Variants in IKZF3 observed in about 807,000 individuals in gnomAD.
IKZF3 encodes IKAROS family zinc finger 3.
In IKZF3, 10 loss-of-function variants were observed where a neutral mutation model predicts 49.0. The observed-to-expected ratio is 0.20, with a 90% CI of 0.13 to 0.35. The LOEUF (loss-of-function observed/expected upper bound fraction) is 0.35. Among genes scored for constraint, IKZF3 ranks in the 10% least tolerant of loss-of-function variants. IKZF3 has a pLI of 1.00. For missense variants in IKZF3, 498 were observed against 664.8 expected (o/e 0.75, Z 2.76); for synonymous variants, 209 against 228.2 (o/e 0.92, Z 0.76).
In IKZF3 at chr17:39,824,276, C is replaced by G. The variant is rs189436815; in HGVS notation, c.163+5111G>C. ...AGTCCCTTTGTTTTGGCCAATATCT[C>G]CCATTTGGAATGGGTATATTTACCC... On this transcript the variant is annotated intron_variant, in intron 3 of 7. Coordinates refer to ENST00000346872, the MANE Select transcript of IKZF3 (RefSeq NM_012481.5). Among the ~76,000 whole-genome samples the G allele has an allele frequency of 1.8e-3, 275 of 152,270 alleles. 1 individual carries two copies. The highest frequency in any genetic ancestry group is 6.2e-3 in the African/African-American group (256 of 41,556).
chr17:39,788,747 T>G (rs1280256979), intron 5 of IKZF3, among the ~76,000 whole-genome samples: 1 of 152,210 alleles, frequency 6.6e-6, no homozygotes, highest in Non-Finnish European at 1.5e-5. Context: ...AGGAAAGGAT[T>G]CTTTATTTTG....
intron 1 of IKZF3, among the ~76,000 whole-genome samples, chr17:39,846,176 C>T (rs1433947316): frequency 6.6e-6 from 1 of 152,054 alleles, no homozygotes; most frequent in Non-Finnish European, 1.5e-5. Context: ...CCATTAACAC[C>T]TTATCTCTTA....
At position 39,764,818 on chromosome 17, in the gene IKZF3, G is replaced by C. The variant is rs774618473; in HGVS notation, c.*972C>G. ...TCTCCAATTCCTCTCCTGTGGGGAG[G>C]GGGAGGCTGAGCCATACTTTTTGGA... On this transcript the variant is annotated 3_prime_UTR_variant, in exon 8 of 8. Coordinates refer to ENST00000346872, the MANE Select transcript of IKZF3 (RefSeq NM_012481.5). The C allele has an allele frequency of 6.6e-6, 1 of 152,242 alleles. No individual in the cohort carries two copies. The highest frequency in any genetic ancestry group is 1.5e-5 in the Non-Finnish European group (1 of 68,062). The allele number at this position is 152,242 out of a possible 1,614,324, so 9.4% of individuals were successfully genotyped here. A position where few individuals can be genotyped will look rare whatever the true frequency, so the allele number is the denominator to read the frequency against.
intron 5 of IKZF3, among the ~76,000 whole-genome samples, chr17:39,789,628 T>C (rs1029117305): frequency 2.6e-5 from 4 of 151,972 alleles, no homozygotes; most frequent in Non-Finnish European, 5.9e-5. Context: ...CTAGGGAGGC[T>C]GAGGCAGGAG....
intron 1 of IKZF3, among the ~76,000 whole-genome samples, chr17:39,850,689 T>TCTAATATGC (rs2062823411): frequency 2.7e-5 from 3 of 109,950 alleles, no homozygotes; most frequent in Admixed American, 2.7e-4. Flanking sequence ...TATACACATA[T>TCTAATATGC]TATATATACA....
intron 5 of IKZF3, among the ~76,000 whole-genome samples, chr17:39,791,146 G>A (rs1175730211): frequency 1.3e-5 from 2 of 152,042 alleles, no homozygotes; most frequent in Non-Finnish European, 2.9e-5. Flanking sequence ...AAATTAAAAG[G>A]ACATTTTTTA....
At chr17:39,855,948 A>C (rs139892228) in intron 1 of IKZF3, among the ~76,000 whole-genome samples, 50 of 151,960 alleles carry the variant, frequency 3.3e-4, no homozygotes, top group African/African-American at 1.1e-3. Flanking sequence ...AACATGTATT[A>C]TAATATACAA....
intron 3 of IKZF3, among the ~76,000 whole-genome samples, chr17:39,825,632 A>C (rs1032841364): frequency 6.6e-6 from 1 of 152,184 alleles, no homozygotes; most frequent in African/African-American, 2.4e-5. Context: ...TTATGGCAAA[A>C]ACCTGTGAGT....
In IKZF3 at chr17:39,766,390, G is replaced by A. The variant is rs1225759152; in HGVS notation, c.930C>T (p.Asn310=). ...QTRMMDQAIN[N]AISYLGAEAL... The stretch of plus-strand genomic sequence containing the variant: ...CTTCGGCGCCAAGATAGCTGATGGC[G>A]TTATTGATGGCTTGGTCCATCATGC... The change falls in exon 8 of 8, where the codon AAC becomes AAT. Residue 310 remains asparagine (N), a synonymous_variant. Coordinates refer to ENST00000346872, the MANE Select transcript of IKZF3 (RefSeq NM_012481.5). 1.2e-5 allele frequency: 20 copies of A among 1,614,164 alleles called. No homozygotes were observed. The highest frequency in any genetic ancestry group is 2.2e-5 in the East Asian group (1 of 44,882).
At chr17:39,781,992 A>G (rs1280320510) in intron 6 of IKZF3, among the ~76,000 whole-genome samples, 1 of 151,808 alleles carries the variant, frequency 6.6e-6, no homozygotes, top group Non-Finnish European at 1.5e-5. Flanking sequence ...AATCTAGAGG[A>G]CTCCTGTTCA....
intron 3 of IKZF3, among the ~76,000 whole-genome samples, chr17:39,824,243 G>A (rs1179903625): frequency 1.3e-5 from 2 of 152,166 alleles, no homozygotes; most frequent in African/African-American, 4.8e-5. Context: ...GACTTGCATG[G>A]GGCTTGTAGT....
chr17:39,775,656 G>A (rs1230233513), intron 7 of IKZF3, among the ~76,000 whole-genome samples: 1 of 152,190 alleles, frequency 6.6e-6, no homozygotes, highest in African/African-American at 2.4e-5. Context: ...TGGGCGCAGT[G>A]GCTCACGCCT....
chr17:39,840,070 G>C (rs2062420724), intron 1 of IKZF3, among the ~76,000 whole-genome samples: 1 of 152,156 alleles, frequency 6.6e-6, no homozygotes, highest in African/African-American at 2.4e-5. Flanking sequence ...CAATATGCCT[G>C]GATTGAGGGG....
At chr17:39,781,686 C>G (rs186024252) in intron 6 of IKZF3, among the ~76,000 whole-genome samples, 2 of 152,294 alleles carry the variant, frequency 1.3e-5, no homozygotes, top group South Asian at 2.1e-4. Flanking sequence ...AATCAACATC[C>G]TCTACATTTG....
At chr17:39,771,914 ATT>A (rs111869144) in intron 7 of IKZF3, among the ~76,000 whole-genome samples, 2 of 136,184 alleles carry the variant, frequency 1.5e-5, no homozygotes, top group Admixed American at 7.3e-5. Context: ...TAGGTTTTTG[ATT>A]TTTTTTTTTT....
intron 1 of IKZF3, among the ~76,000 whole-genome samples, chr17:39,846,916 CCAG>C (rs1263145055): frequency 2.6e-5 from 4 of 151,946 alleles, no homozygotes; most frequent in Non-Finnish European, 5.9e-5. Flanking sequence ...ATTGAGTTTG[CCAG>C]CTGTCAGGCA....
At chr17:39,831,819 T>C (rs2062116425) in intron 2 of IKZF3, among the ~76,000 whole-genome samples, 2 of 152,276 alleles carry the variant, frequency 1.3e-5, no homozygotes, top group African/African-American at 4.8e-5. Flanking sequence ...CAACAAAAAC[T>C]GTCTTCAGAG....
chr17:39,863,734 C>A (rs1186891797), intron 1 of IKZF3, among the ~76,000 whole-genome samples: 4 of 152,114 alleles, frequency 2.6e-5, no homozygotes, highest in Non-Finnish European at 5.9e-5. Context: ...AAACAAGTTA[C>A]TCAGATTAGT....
intron 1 of IKZF3, among the ~76,000 whole-genome samples, chr17:39,844,667 G>A (rs2144433612): frequency 6.6e-6 from 1 of 151,962 alleles, no homozygotes; most frequent in South Asian, 2.1e-4. Flanking sequence ...TTGTTGCCCA[G>A]GCTGGAGTGC....
Sources: allele counts gnomAD v4.1 joint callset (sites outside exome capture counted in the v4.1 genomes callset), GRCh38; gene constraint gnomAD v4.1.1; transcripts MANE v1.5; gene names NCBI Gene and HGNC (gene_info 2026-07-23, HGNC 2026-07-21).